The following PRORP variants were observed in gnomAD, a reference collection of about 807,000 sequenced individuals.
PRORP encodes protein only RNase P catalytic subunit, also known as mitochondrial ribonuclease P catalytic subunit.
In PRORP, 51 loss-of-function variants were observed where a neutral mutation model predicts 59.4. That is an observed-to-expected ratio of 0.86 (90% CI 0.69 to 1.08). The LOEUF (loss-of-function observed/expected upper bound fraction) is 1.08, where lower values mean the gene tolerates loss of function less well. Among genes scored for constraint, PRORP ranks in the 50% least tolerant of loss-of-function variants. The pLI is 0.00. For missense variants in PRORP, 646 were observed against 690.3 expected (o/e 0.94, Z 0.72); for synonymous variants, 231 against 245.6 (o/e 0.94, Z 0.55).
chr14:35,165,560 A>G (rs185197308), intron 4 of PRORP, among the ~76,000 whole-genome samples: 3 of 152,188 alleles, frequency 2.0e-5, no homozygotes, highest in African/African-American at 7.2e-5. Flanking sequence ...GATATTATTT[A>G]TTTGACTTGG....
chr14:35,141,142 G>A (rs2047471295), intron 4 of PRORP, among the ~76,000 whole-genome samples: 1 of 145,642 alleles, frequency 6.9e-6, no homozygotes, highest in Non-Finnish European at 1.5e-5. Context: ...AATTGAGTGG[G>A]CATCAGTGAA....
chr14:35,210,932 T>G (rs980002246), intron 5 of PRORP, among the ~76,000 whole-genome samples: 1 of 151,634 alleles, frequency 6.6e-6, no homozygotes, highest in Non-Finnish European at 1.5e-5. Flanking sequence ...CCTGGCTAGT[T>G]TTTTAAAAAT....
chr14:35,251,032 C>G (rs577730599), intron 5 of PRORP, among the ~76,000 whole-genome samples: 1 of 152,144 alleles, frequency 6.6e-6, no homozygotes, highest in East Asian at 1.9e-4. Flanking sequence ...CCACTCTTTT[C>G]CCCTGAATCC....
At chr14:35,215,292 C>G (rs2049558489) in intron 5 of PRORP, among the ~76,000 whole-genome samples, 1 of 152,080 alleles carries the variant, frequency 6.6e-6, no homozygotes, top group Non-Finnish European at 1.5e-5. Context: ...ACTTTAGCAT[C>G]TTCTTGAAAG....
rs879569022 is a variant in PRORP at position 35,232,375 on chromosome 14, T to TAA, written c.1276-34341_1276-34340dup. 4.7e-5 allele frequency among the ~76,000 whole-genome samples: 7 copies of TAA among 147,686 alleles called. No individual in the cohort carries two copies. In the South Asian group the frequency reaches 1.5e-3, roughly 32 times the overall value. On this transcript the variant is annotated intron_variant, in intron 5 of 7. Transcript: ENST00000534898. ...CATGCGCCACCATGCCTAGCTAATG[T>TAA]AAAAAAAAAAAATTTTTGTAGAGAT... is the stretch of plus-strand genomic sequence containing the variant.
intron 5 of PRORP, among the ~76,000 whole-genome samples, chr14:35,212,221 A>G (rs111300809): frequency 0.022 from 3,332 of 152,222 alleles, 51 homozygotes; most frequent in South Asian, 0.061. Context: ...TGAATTTTTT[A>G]ATCCCACCAA....
At chr14:35,223,833 T>C (rs1230685027) in intron 5 of PRORP, among the ~76,000 whole-genome samples, 2 of 152,186 alleles carry the variant, frequency 1.3e-5, no homozygotes, top group Non-Finnish European at 2.9e-5. Context: ...TAGCTTATTT[T>C]CCATCTACTT....
intron 3 of PRORP, 77 bp from the exon 4 acceptor site, chr14:35,127,402 G>A (rs999459579): frequency 1.7e-5 from 17 of 996,030 alleles, no homozygotes; most frequent in Non-Finnish European, 2.0e-5. Flanking sequence ...TTTCCTCATT[G>A]TTCATTTCAC....
chr14:35,176,541 TTGTC>T (rs1416019628), intron 4 of PRORP, among the ~76,000 whole-genome samples: 2 of 152,188 alleles, frequency 1.3e-5, no homozygotes, highest in African/African-American at 4.8e-5. Context: ...GGCTCTCTGT[TTGTC>T]TGTTATTGGT....
intron 6 of PRORP, among the ~76,000 whole-genome samples, chr14:35,269,008 G>A (rs888983997): frequency 1.3e-5 from 2 of 152,116 alleles, no homozygotes; most frequent in African/African-American, 4.8e-5. Flanking sequence ...CTGGAAGATG[G>A]TGCTTCCATT....
chr14:35,188,181 T>A (rs1157722169), intron 5 of PRORP, among the ~76,000 whole-genome samples: 4 of 147,610 alleles, frequency 2.7e-5, no homozygotes, highest in African/African-American at 9.9e-5. Context: ...ATTATTATTG[T>A]TGAGTTGTAA....
In PRORP at chr14:35,123,016, C is replaced by T; in HGVS notation, c.-230C>T. 7.7e-6 allele frequency: 4 copies of T among 519,742 alleles called. No homozygotes were observed. In the South Asian group the frequency reaches 9.5e-5, roughly 12 times the overall value. 32.2% of individuals were successfully genotyped at this position (519,742 alleles called of 1,614,324 possible). A position where few individuals can be genotyped will look rare whatever the true frequency, so the allele number is the denominator to read the frequency against. On this transcript the variant is annotated 5_prime_UTR_variant, in exon 2 of 8. It introduces an in-frame stop codon into an upstream open reading frame of the 5' UTR. Transcript: ENST00000534898. ...GCTCTGTCCCCTGGTTTGCGGCTTG[C>T]GACGTTGGACATCCCCGGATTGTTG...
chr14:35,153,919 A>G (rs2047845645), intron 4 of PRORP, among the ~76,000 whole-genome samples: 2 of 152,164 alleles, frequency 1.3e-5, no homozygotes, highest in Admixed American at 6.5e-5. Context: ...AAATGTTTAT[A>G]TAAGGGTTAT....
intron 4 of PRORP, among the ~76,000 whole-genome samples, chr14:35,151,647 C>T (rs1393281967): frequency 6.9e-6 from 1 of 144,476 alleles, no homozygotes; most frequent in Non-Finnish European, 1.5e-5. Flanking sequence ...CATACACACA[C>T]ACACACACAC....
Position 35,189,756 on chromosome 14 carries a change from GA to G in PRORP, c.1275+8981del, listed in dbSNP as rs776160651. Among the ~76,000 whole-genome samples the G allele has an allele frequency of 1.5e-3, 225 of 152,088 alleles. 2 individuals carry two copies. The highest frequency in any genetic ancestry group is 2.2e-3 in the Non-Finnish European group (150 of 68,018). The stretch of plus-strand genomic sequence containing the variant: ...GACTCTTTTCATTAAAGATTTACTT[GA>G]ATTGTCAGAATAGAAAATAGTATTT... On this transcript the variant is annotated intron_variant, in intron 5 of 7. Transcript: ENST00000534898.
intron 4 of PRORP, among the ~76,000 whole-genome samples, chr14:35,155,625 A>C (rs11848309): frequency 0.18 from 27,610 of 150,458 alleles, 2,652 homozygotes; most frequent in Middle Eastern, 0.27. Flanking sequence ...AGTTATGAAA[A>C]GGGAGATTAT....
At chr14:35,242,284 G>A (rs1320893791) in intron 5 of PRORP, among the ~76,000 whole-genome samples, 1 of 152,118 alleles carries the variant, frequency 6.6e-6, no homozygotes, top group East Asian at 1.9e-4. Context: ...AACCTACTCT[G>A]CATATATTGT....
chr14:35,215,280 G>T (rs1170636807), intron 5 of PRORP, among the ~76,000 whole-genome samples: 1 of 152,070 alleles, frequency 6.6e-6, no homozygotes, highest in African/African-American at 2.4e-5. Context: ...GTATTTCTCA[G>T]TACTTTAGCA....
intron 2 of PRORP, among the ~76,000 whole-genome samples, 172 bp from the exon 3 acceptor site, chr14:35,126,563 A>G (rs907034050): frequency 6.6e-6 from 1 of 152,230 alleles, no homozygotes; most frequent in African/African-American, 2.4e-5. Context: ...GAGTACCAGC[A>G]GCTTCTTAAC....
Sources: allele counts gnomAD v4.1 joint callset (sites outside exome capture counted in the v4.1 genomes callset), GRCh38; gene constraint gnomAD v4.1.1; transcripts MANE v1.5; gene names NCBI Gene and HGNC (gene_info 2026-07-23, HGNC 2026-07-21).